The following GUCY1A2 variants were observed in gnomAD, a reference collection of about 807,000 sequenced individuals.
GUCY1A2 encodes guanylate cyclase 1 soluble subunit alpha 2.
In GUCY1A2, 27 loss-of-function variants were observed where a neutral mutation model predicts 63.5. The observed-to-expected ratio is 0.43, with a 90% confidence interval of 0.31 to 0.59. GUCY1A2 has a LOEUF of 0.59. GUCY1A2 is among the 20% of genes least tolerant of loss of function. The pLI, the probability that GUCY1A2 is intolerant of heterozygous loss-of-function variation, is 0.11. For synonymous variants in GUCY1A2, 364 were observed against 343.5 expected, an observed-to-expected ratio of 1.06 and a Z score of -0.66; for missense variants, 768 against 913.3, an observed-to-expected ratio of 0.84 and a Z score of 2.05.
chr11:106,919,192 A>G (rs1004602613), intron 4 of GUCY1A2, among the ~76,000 whole-genome samples: 3 of 152,150 alleles, frequency 2.0e-5, no homozygotes, highest in African/African-American at 7.2e-5. Context: ...TCCAATGCTC[A>G]TGTTCAAAAA....
At chr11:106,782,763 A>AAC (rs148195068) in intron 5 of GUCY1A2, among the ~76,000 whole-genome samples, 53,105 of 151,778 alleles carry the variant, frequency 0.35, 9,710 homozygotes, top group African/African-American at 0.45. Context: ...AGGAAACACA[A>AAC]ACACACACAC....
rs548566844 is a variant in GUCY1A2, at chr11:107,010,661, T to C, written c.303+7092A>G. 2.4e-4 allele frequency among the ~76,000 whole-genome samples: 37 copies of C among 152,016 alleles called. No homozygotes were observed. In the South Asian group the frequency reaches 6.2e-3, roughly 26 times the overall value. On this transcript the variant is annotated intron_variant, in intron 1 of 7. Transcript: ENST00000526355. Reference sequence around the variant, plus strand: ...AACTAAATATACCACCAAAAAAAAATTAAACACAAAAGAAACATTAATAAA... The same window carrying C: ...AACTAAATATACCACCAAAAAAAAACTAAACACAAAAGAAACATTAATAAA...
chr11:106,845,378 T>C (rs890860642), intron 4 of GUCY1A2, among the ~76,000 whole-genome samples: 6 of 151,576 alleles, frequency 4.0e-5, no homozygotes, highest in South Asian at 2.1e-4. Context: ...AGTTTTATAT[T>C]TACAATTGGG....
chr11:106,747,369 T>C (rs531412783), intron 6 of GUCY1A2, among the ~76,000 whole-genome samples: 1 of 152,336 alleles, frequency 6.6e-6, no homozygotes, highest in African/African-American at 2.4e-5. Flanking sequence ...GAATCTGTAG[T>C]AGGCAACACT....
chr11:106,971,219 ATGTGTGTG>A (rs67190015), intron 3 of GUCY1A2, among the ~76,000 whole-genome samples: 16 of 149,162 alleles, frequency 1.1e-4, no homozygotes, highest in Admixed American at 2.0e-4. Context: ...ACAAATTTAA[ATGTGTGTG>A]TGTGTGTGTG....
intron 5 of GUCY1A2, among the ~76,000 whole-genome samples, chr11:106,780,838 C>T (rs1222889282): frequency 6.6e-6 from 1 of 151,886 alleles, no homozygotes; most frequent in Non-Finnish European, 1.5e-5. Context: ...ATATTCGGCA[C>T]CTTAAGAATA....
chr11:106,703,151 C>T (rs1862846775), intron 7 of GUCY1A2, among the ~76,000 whole-genome samples: 1 of 152,136 alleles, frequency 6.6e-6, no homozygotes, highest in Admixed American at 6.6e-5. Context: ...ACATTGGACT[C>T]CAAGTCCTTC....
At chr11:106,941,732 A>T (rs1466968715) in intron 3 of GUCY1A2, among the ~76,000 whole-genome samples, 2 of 152,224 alleles carry the variant, frequency 1.3e-5, no homozygotes, top group African/African-American at 4.8e-5. Flanking sequence ...AAATAGTCAA[A>T]GCACATCTAA....
At position 106,950,047 on chromosome 11, in the gene GUCY1A2, T is replaced by G. The variant is rs573032164; in HGVS notation, c.488-9869A>C. ...CCCTTCAGTATTCACTGGCAGGCCTTTTATCACAAGCTTGGGCAAGTTATG... is the reference window on the plus strand; with the variant it reads ...CCCTTCAGTATTCACTGGCAGGCCTGTTATCACAAGCTTGGGCAAGTTATG... On this transcript the variant is annotated intron_variant, in intron 3 of 7. Transcript: ENST00000526355. Among the ~76,000 whole-genome samples, 106 of 152,322 alleles carry G rather than the reference T, an allele frequency of 7.0e-4. 2 individuals carry two copies. In the South Asian group the frequency reaches 0.011, roughly 15 times the overall value.
At chr11:106,910,601 CT>C (rs1258462728) in intron 4 of GUCY1A2, among the ~76,000 whole-genome samples, 1 of 151,974 alleles carries the variant, frequency 6.6e-6, no homozygotes. Context: ...TATTCCTTTT[CT>C]CAGTTTCCCT....
chr11:107,017,531 G>A (rs964056293), intron 1 of GUCY1A2, among the ~76,000 whole-genome samples: 1 of 152,210 alleles, frequency 6.6e-6, no homozygotes, highest in Non-Finnish European at 1.5e-5. Flanking sequence ...TACCCCAAAG[G>A]AGTGGAATCT....
chr11:106,826,774 C>T, intron 4 of GUCY1A2: 1 of 1,611,246 alleles, frequency 6.2e-7, no homozygotes, highest in Non-Finnish European at 8.5e-7. Flanking sequence ...GGTCCACAGC[C>T]TCATCTGCTG....
chr11:106,710,783 C>T (rs1411715092), intron 6 of GUCY1A2, among the ~76,000 whole-genome samples: 1 of 151,924 alleles, frequency 6.6e-6, no homozygotes, highest in Non-Finnish European at 1.5e-5. Context: ...AGATGATATC[C>T]TTAGTTCTAG....
At chr11:106,964,945 A>G (rs1861108614) in intron 3 of GUCY1A2, among the ~76,000 whole-genome samples, 1 of 152,170 alleles carries the variant, frequency 6.6e-6, no homozygotes, top group South Asian at 2.1e-4. Flanking sequence ...GCACCACTGC[A>G]CTGTAGCCTG....
intron 6 of GUCY1A2, among the ~76,000 whole-genome samples, chr11:106,719,468 G>GA (rs1359406554): frequency 1.3e-5 from 2 of 151,912 alleles, no homozygotes; most frequent in African/African-American, 4.8e-5. Context: ...ATTACTCAGA[G>GA]AAAAAACAAT....
intron 4 of GUCY1A2, chr11:106,936,667 C>A (rs1481926014): frequency 3.9e-6 from 6 of 1,532,122 alleles, no homozygotes; most frequent in South Asian, 3.6e-5. Flanking sequence ...CTGTTGAATC[C>A]TGCCACTGAT....
intron 4 of GUCY1A2, among the ~76,000 whole-genome samples, chr11:106,897,466 ATCAAAATAGAGT>A (rs1224284064): frequency 6.6e-6 from 1 of 152,146 alleles, no homozygotes; most frequent in Non-Finnish European, 1.5e-5. Flanking sequence ...AACCACAGAA[ATCAAAATAGAGT>A]GGTATTTGCA....
At chr11:106,995,802 AT>A (rs1861526882) in intron 1 of GUCY1A2, among the ~76,000 whole-genome samples, 1 of 152,218 alleles carries the variant, frequency 6.6e-6, no homozygotes, top group Admixed American at 6.5e-5. Context: ...CAATTAGTAA[AT>A]GCTGCAAAGC....
At chr11:106,971,905 C>A (rs1263769287) in intron 3 of GUCY1A2, among the ~76,000 whole-genome samples, 1 of 152,058 alleles carries the variant, frequency 6.6e-6, no homozygotes, top group African/African-American at 2.4e-5. Context: ...TCTGGAACAT[C>A]TTATAGTGCT....
Sources: allele counts gnomAD v4.1 joint callset (sites outside exome capture counted in the v4.1 genomes callset), GRCh38; gene constraint gnomAD v4.1.1; transcripts MANE v1.5; gene names NCBI Gene and HGNC (gene_info 2026-07-23, HGNC 2026-07-21).